MLLT6: variants seen among roughly 807,000 people sequenced by gnomAD.
MLLT6 encodes protein AF-17.
A neutral mutation model predicts 103.0 loss-of-function variants in MLLT6; 22 were observed. That is an observed-to-expected ratio of 0.21 (90% CI 0.15 to 0.31). The LOEUF is 0.31. Among genes scored for constraint, MLLT6 ranks in the 10% least tolerant of loss-of-function variants. MLLT6 has a pLI of 1.00. For synonymous variants in MLLT6, 606 were observed against 623.5 expected, an observed-to-expected ratio of 0.97 and a Z score of 0.42; for missense variants, 1,199 against 1,441.7, an observed-to-expected ratio of 0.83 and a Z score of 2.73.
chr17:38,724,549 G>T lies in MLLT6; in HGVS notation c.2884-71G>T, dbSNP rs1905921188. 3.3e-6 allele frequency: 4 copies of T among 1,223,042 alleles called. No individual in the cohort carries two copies. In the African/African-American group the frequency reaches 4.6e-5, roughly 14 times the overall value. 75.8% of individuals were successfully genotyped at this position (1,223,042 alleles called of 1,614,324 possible). A position where few individuals can be genotyped will look rare whatever the true frequency, so the allele number is the denominator to read the frequency against. ...GTGTGATGGGGTGGGGCCTGGCCAG[G>T]CAGGGCAGGCAGGCAGCAGGGAAGA... is the stretch of plus-strand genomic sequence containing the variant. On this transcript the variant is annotated intron_variant, in intron 18 of 19. Coordinates refer to ENST00000621332, the MANE Select transcript of MLLT6 (RefSeq NM_005937.4). This position sits in a 1 kb window ranked among gnomAD's most constrained non-coding sequence, Gnocchi z 5.4.
chr17:38,720,602 C>A, intron 15 of MLLT6, 33 bp downstream of exon 15: 1 of 1,612,790 alleles, frequency 6.2e-7, no homozygotes, highest in Non-Finnish European at 8.5e-7. Context: ...GGGAGAGAGG[C>A]CCGTGCCCTG....
chr17:38,717,073 G>A, intron 10 of MLLT6, 92 bp downstream of exon 10: 2 of 1,542,602 alleles, frequency 1.3e-6, no homozygotes, highest in Non-Finnish European at 1.7e-6. Context: ...GAAATGGGAT[G>A]GATACCACTC....
chr17:38,722,777 C>A lies in MLLT6; in HGVS notation c.2883+9C>A. 6.2e-7 allele frequency: 1 copy of A among 1,602,194 alleles called. No individual in the cohort carries two copies. The highest frequency in any genetic ancestry group is 1.3e-5 in the African/African-American group (1 of 74,744). On this transcript the variant is annotated intron_variant, in intron 18 of 19. Transcript: ENST00000621332. ...CCCCGCAGCTGACCCCGGTAATGCC[C>A]CTCCCTTCCCTGCCTCAGGTGCCCC...
At position 38,719,755 on chromosome 17, in the gene MLLT6, C is replaced by T. The variant is rs1292520658; in HGVS notation, c.2015C>T (p.Pro672Leu). ...SPQESLSSMSPISSLPALFDQ... is the reference protein window; with the variant it reads ...SPQESLSSMSLISSLPALFDQ... ...CAGGTTCCCTCTGGCCGCAGGTCCC[C>T]CATCAGCAGCCTCCCCGCACTCTTC... Residue 672 changes from proline (P) to leucine (L), a missense_variant, in exon 14 of 20, where the codon CCC becomes CTC. Transcript: ENST00000621332. 13 of 1,609,218 alleles carry T rather than the reference C, an allele frequency of 8.1e-6. No individual in the cohort carries two copies. The highest frequency in any genetic ancestry group is 1.3e-5 in the African/African-American group (1 of 74,806).
intron 14 of MLLT6, 47 bp from the exon 15 acceptor site, chr17:38,720,310 CGGTCCCCTGGCCCCG>C: frequency 1.5e-6 from 1 of 668,642 alleles, no homozygotes; most frequent in Admixed American, 2.6e-5. Flanking sequence ...GCCCCGCCCC[CGGTCCCCTGGCCCCG>C]CCTCCGCCCC....
Position 38,705,453 on chromosome 17 carries a change from G to C in MLLT6, c.-180G>C. ...GGCGGCCAGACAGAGCGAGCGAGGA[G>C]GAGGAGGAGGAGGACGCGGAGGAGG... On this transcript the variant is annotated 5_prime_UTR_variant, in exon 1 of 20. Coordinates refer to ENST00000621332, the MANE Select transcript of MLLT6 (RefSeq NM_005937.4). 4.7e-6 allele frequency: 2 copies of C among 428,316 alleles called. No homozygotes were observed. The highest frequency in any genetic ancestry group is 4.0e-5 in the East Asian group (1 of 24,702). 26.5% of individuals were successfully genotyped at this position (428,316 alleles called of 1,614,324 possible).
rs781432585 is a variant in MLLT6 at position 38,716,712 on chromosome 17, C to T, written c.1382C>T (p.Thr461Ile). The part of the protein sequence containing the change: ...TPVPADETPE[T>I]GLKEKKHKAS... ...GTGCCTGCTGATGAGACCCCTGAGA[C>T]AGGCCTGAAGGAGAAGAAGCACAAA... The change falls in exon 10 of 20, where the codon ACA becomes ATA. Residue 461 changes from threonine to isoleucine, a missense_variant. Around this residue, in one of 7 missense-constraint regions of MLLT6, gnomAD observed 1,034 missense variants for 1,091.5 expected, o/e 0.95. Coordinates refer to ENST00000621332, the MANE Select transcript of MLLT6 (RefSeq NM_005937.4). The surrounding 1 kb of genome is among the most constrained non-coding windows in gnomAD (Gnocchi z 5.6). The T allele has an allele frequency of 2.5e-6, 4 of 1,611,410 alleles. No homozygotes were observed. Among genetic ancestry groups the T allele is most frequent in the Non-Finnish European group, 3.4e-6 (4 of 1,179,030 alleles).
intron 7 of MLLT6, 82 bp downstream of exon 7, chr17:38,712,096 G>T: frequency 6.9e-7 from 1 of 1,441,058 alleles, no homozygotes; most frequent in African/African-American, 1.4e-5. Context: ...CCATCATGAG[G>T]TGCCCTTAAG....
chr17:38,724,732 G>A lies in MLLT6; in HGVS notation c.2996G>A (p.Gly999Glu), dbSNP rs920986979. 6.2e-7 allele frequency: 1 copy of A among 1,612,068 alleles called. No individual in the cohort carries two copies. The highest frequency in any genetic ancestry group is 8.5e-7 in the Non-Finnish European group (1 of 1,179,446). Residue 999 changes from glycine (G) to glutamate (E), a missense_variant, in exon 19 of 20, where the codon GGA (glycine) becomes GAA (glutamate). By Grantham distance (98) the Gly-to-Glu change is moderately conservative (BLOSUM62 -2). Around this residue, in one of 7 missense-constraint regions of MLLT6, gnomAD observed 1,034 missense variants for 1,091.5 expected, o/e 0.95. Transcript: ENST00000621332. This position sits in a 1 kb window ranked among gnomAD's most constrained non-coding sequence, Gnocchi z 5.4. ...CTGCCCATGGCCAGCCTGCTGGCAGGAAGCTCCACCCCGCTGCTGTCTGCG... is the reference window on the plus strand; with the variant it reads ...CTGCCCATGGCCAGCCTGCTGGCAGAAAGCTCCACCCCGCTGCTGTCTGCG... Reference protein sequence around the residue: ...SQLPMASLLAGSSTPLLSAGT... With the variant: ...SQLPMASLLAESSTPLLSAGT...
At chr17:38,711,284 T>C (rs945025008) in intron 6 of MLLT6, among the ~76,000 whole-genome samples, 2 of 152,084 alleles carry the variant, frequency 1.3e-5, no homozygotes, top group African/African-American at 4.8e-5. Flanking sequence ...GTTGTGTTGA[T>C]GTTTAACTTC....
intron 14 of MLLT6, 46 bp from the exon 15 acceptor site, chr17:38,720,326 C>A: frequency 8.7e-7 from 1 of 1,147,682 alleles, no homozygotes; most frequent in Non-Finnish European, 1.3e-6. Context: ...CCTGGCCCCG[C>A]CTCCGCCCCC....
Position 38,717,675 on chromosome 17 carries a change from C to T in MLLT6, c.1833+62C>T, listed in dbSNP as rs1443917141. On this transcript the variant is annotated intron_variant, in intron 11 of 19. Transcript: ENST00000621332. ...AGGTTGGGGACAGACTGACAGAGGA[C>T]CCCAGCCTTCCATGGGAATTGGAGC... is the stretch of plus-strand genomic sequence containing the variant. The T allele has an allele frequency of 2.6e-6, 4 of 1,550,802 alleles. No homozygotes were observed. The African/African-American group carries it at 5.5e-5, about 21-fold the overall frequency.
chr17:38,719,634 G>T, intron 13 of MLLT6, 51 bp downstream of exon 13: 1 of 1,572,054 alleles, frequency 6.4e-7, no homozygotes. Context: ...AGGGACACCC[G>T]AGGGAGGAGG....
chr17:38,711,895 G>A lies in MLLT6; in HGVS notation c.601G>A (p.Gly201Arg). 6.2e-7 allele frequency: 1 copy of A among 1,604,670 alleles called. No individual in the cohort carries two copies. Among genetic ancestry groups the A allele is most frequent in the Non-Finnish European group, 8.5e-7 (1 of 1,175,264 alleles). ...SGGGGGGAGG[G>R]GGSMGGGGSG... ...GGGAGGCGGAGGAGGCGCTGGAGGA[G>A]GAGGTGGCAGCATGGGGGGAGGTGG... The change falls in exon 7 of 20, where the codon GGA (glycine) becomes AGA (arginine). Residue 201 changes from glycine (G) to arginine (R), a missense_variant. Gly to Arg is a moderately radical substitution (Grantham distance 125). Transcript: ENST00000621332.
Position 38,715,807 on chromosome 17 carries a change from G to C in MLLT6, c.1015G>C (p.Gly339Arg), listed in dbSNP as rs1473301360. 1 of 1,599,860 alleles carries C rather than the reference G, an allele frequency of 6.3e-7. No homozygotes were observed. The highest frequency in any genetic ancestry group is 2.2e-5 in the East Asian group (1 of 44,448). Residue 339 changes from glycine to arginine, a missense_variant, in exon 9 of 20, where the codon GGG becomes CGG. Physicochemically the swap from Gly to Arg is moderately radical, Grantham distance 125 (BLOSUM62 -2). Transcript: ENST00000621332. ...TTCCTCCTCCTCTTCCTCCTCCTCT[G>C]GGGGGCCCTTCCAGCCTGCAGGTGA... is the stretch of plus-strand genomic sequence containing the variant. ...SSSSSSSSSS[G>R]GPFQPAVSSL...
intron 17 of MLLT6, 44 bp from the exon 18 acceptor site, chr17:38,722,634 T>TGTGGGGGGGGGGGG: frequency 3.8e-6 from 2 of 532,160 alleles, no homozygotes; most frequent in Non-Finnish European, 3.6e-6. Flanking sequence ...CCCTCCCCCA[T>TGTGGGGGGGGGGGG]GGTCTGTGTG....
intron 6 of MLLT6, 112 bp from the exon 7 acceptor site, chr17:38,711,735 C>T (rs1905146786): frequency 7.4e-7 from 1 of 1,342,428 alleles, no homozygotes; most frequent in Admixed American, 3.0e-5. Flanking sequence ...CTCTTAGTGA[C>T]AGACGGGGCA....
chr17:38,717,633 C>A lies in MLLT6; in HGVS notation c.1833+20C>A. 1 of 1,609,642 alleles carries A rather than the reference C, an allele frequency of 6.2e-7. No homozygotes were observed. The highest frequency in any genetic ancestry group is 8.5e-7 in the Non-Finnish European group (1 of 1,177,476). On this transcript the variant is annotated intron_variant, in intron 11 of 19. Transcript: ENST00000621332. ...ACTCAGGTGAGACCTGACTCCTGGG[C>A]TCCTCCTTCCCTGGGCAGGTTGGGG... is the stretch of plus-strand genomic sequence containing the variant.
In MLLT6 at chr17:38,728,881, A is replaced by G. The variant is rs1906175371; in HGVS notation, c.*3283A>G. 1 of 233,778 alleles carries G rather than the reference A, an allele frequency of 4.3e-6. No homozygotes were observed. The highest frequency in any genetic ancestry group is 1.8e-4 in the South Asian group (1 of 5,544). 14.5% of individuals were successfully genotyped at this position (233,778 alleles called of 1,614,324 possible). A position where few individuals can be genotyped will look rare whatever the true frequency, so the allele number is the denominator to read the frequency against. ...GAGCTGGTGGATCCTCTCCATGGAC[A>G]ATGACACTTTAAGGATTGTCTTGGT... is the stretch of plus-strand genomic sequence containing the variant. On this transcript the variant is annotated 3_prime_UTR_variant, in exon 20 of 20. Coordinates refer to ENST00000621332, the MANE Select transcript of MLLT6 (RefSeq NM_005937.4).
Sources: allele counts gnomAD v4.1 joint callset (sites outside exome capture counted in the v4.1 genomes callset), GRCh38; gene constraint gnomAD v4.1.1; regional missense constraint gnomAD v4.1.1; non-coding constraint Gnocchi (gnomAD v3.1); transcripts MANE v1.5; gene names NCBI Gene and HGNC (gene_info 2026-07-23, HGNC 2026-07-21).